The following NUP153 variants were observed in gnomAD, a reference collection of about 807,000 sequenced individuals.
NUP153 encodes nucleoporin 153, also known as nuclear pore complex protein Nup153.
A neutral mutation model predicts 134.6 loss-of-function variants in NUP153; 27 were observed. That is an observed-to-expected ratio of 0.20 (90% CI 0.15 to 0.28). NUP153 has a LOEUF of 0.28. Among genes scored for constraint, NUP153 ranks in the 10% least tolerant of loss-of-function variants. The pLI is 1.00. For missense variants in NUP153, 1,821 were observed against 1,731.3 expected, an observed-to-expected ratio of 1.05 and a Z score of -0.92; for synonymous variants, 640 against 623.5, an observed-to-expected ratio of 1.03 and a Z score of -0.40.
chr6:17,662,442 C>T (rs1179369420), intron 9 of NUP153, among the ~76,000 whole-genome samples: 3 of 152,200 alleles, frequency 2.0e-5, no homozygotes, highest in Admixed American at 6.5e-5. Flanking sequence ...ATTAATACTT[C>T]CACTGAAAGG....
At chr6:17,644,921 T>C (rs1465627345) in intron 14 of NUP153, among the ~76,000 whole-genome samples, 1 of 152,002 alleles carries the variant, frequency 6.6e-6, no homozygotes, top group African/African-American at 2.4e-5. Context: ...CTGTCTCTAT[T>C]AAAAATACAA....
intron 11 of NUP153, among the ~76,000 whole-genome samples, chr6:17,649,680 C>T (rs1415874160): frequency 1.3e-5 from 2 of 152,110 alleles, no homozygotes; most frequent in African/African-American, 4.8e-5. Flanking sequence ...ATATTATATA[C>T]AATAAGATAT....
At chr6:17,642,638 A>G (rs1279908736) in intron 14 of NUP153, among the ~76,000 whole-genome samples, 1 of 152,234 alleles carries the variant, frequency 6.6e-6, no homozygotes, top group Non-Finnish European at 1.5e-5. Flanking sequence ...GATTCTTCAA[A>G]AAGTTTAATA....
At chr6:17,690,833 T>A (rs747959017) in intron 1 of NUP153, among the ~76,000 whole-genome samples, 1 of 152,174 alleles carries the variant, frequency 6.6e-6, no homozygotes, top group African/African-American at 2.4e-5. Flanking sequence ...ACTTGAATAG[T>A]AATTTCCTTA....
intron 2 of NUP153, among the ~76,000 whole-genome samples, chr6:17,678,947 T>A (rs1241539415): frequency 1.4e-5 from 2 of 142,594 alleles, no homozygotes; most frequent in East Asian, 2.1e-4. Flanking sequence ...CTATCTCATT[T>A]AAAAAAAAAA....
At chr6:17,653,623 C>A (rs1766633187) in intron 11 of NUP153, among the ~76,000 whole-genome samples, 3 of 152,128 alleles carry the variant, frequency 2.0e-5, no homozygotes, top group Non-Finnish European at 4.4e-5. Flanking sequence ...GCTTTACTCA[C>A]AATAGCCAGG....
chr6:17,640,045 CA>C lies in NUP153; in HGVS notation c.1739del (p.Val580GlyfsTer24). 1 of 1,599,298 alleles carries C rather than the reference CA, an allele frequency of 6.3e-7. No individual in the cohort carries two copies. Among genetic ancestry groups the C allele is most frequent in the Admixed American group, 1.8e-5 (1 of 57,120 alleles). On this transcript the variant is annotated frameshift_variant, in exon 15 of 22. Coordinates refer to ENST00000262077, the MANE Select transcript of NUP153 (RefSeq NM_005124.4). LOFTEE classifies it high-confidence loss of function. ...GTGTCTTCTTACAATTTGTACTGTT[CA>C]CTGTAGTGACATGATGAGCTGTAAT... ...ISSSAHHVTTVNSTNCKKTPP... is the reference protein window; with the variant it reads ...ISSSAHHVTTXNSTNCKKTPP...
At chr6:17,640,300 A>G (rs1197089370) in intron 14 of NUP153, among the ~76,000 whole-genome samples, 1 of 152,232 alleles carries the variant, frequency 6.6e-6, no homozygotes, top group Admixed American at 6.5e-5. Context: ...AAAAAAATAT[A>G]AACTATAATT....
intron 17 of NUP153, 81 bp downstream of exon 17, chr6:17,632,569 T>C: frequency 1.0e-6 from 1 of 972,554 alleles, no homozygotes; most frequent in Non-Finnish European, 1.5e-6. Flanking sequence ...ACACTGAAGC[T>C]GTTCTCAAAT....
chr6:17,624,786 G>C lies in NUP153; in HGVS notation c.3949C>G (p.Pro1317Ala), dbSNP rs906254777. 3 of 1,614,018 alleles carry C rather than the reference G, an allele frequency of 1.9e-6. No homozygotes were observed. Among genetic ancestry groups the C allele is most frequent in the African/African-American group, 2.7e-5 (2 of 75,036 alleles). Reference protein sequence around the residue: ...GTGPSAPSASPAFGANQTPTF... With the variant: ...GTGPSAPSASAAFGANQTPTF... ...GGGGTCTGGTTAGCACCAAATGCTGGACTGGCAGATGGTGCTGAGGGTCCA... is the reference window on the plus strand; with the variant it reads ...GGGGTCTGGTTAGCACCAAATGCTGCACTGGCAGATGGTGCTGAGGGTCCA... Residue 1317 changes from proline (P) to alanine (A), a missense_variant, in exon 20 of 22, where the codon CCA becomes GCA. Physicochemically the swap from Pro to Ala is conservative, Grantham distance 27. Coordinates refer to ENST00000262077, the MANE Select transcript of NUP153 (RefSeq NM_005124.4).
chr6:17,640,260 C>T (rs1765766900), intron 14 of NUP153, among the ~76,000 whole-genome samples, 196 bp from the exon 15 acceptor site: 1 of 152,130 alleles, frequency 6.6e-6, no homozygotes, highest in Middle Eastern at 3.2e-3. Context: ...TATTCCCATA[C>T]TATATAACTT....
chr6:17,699,223 G>A (rs1360409289), intron 1 of NUP153, among the ~76,000 whole-genome samples: 2 of 151,228 alleles, frequency 1.3e-5, no homozygotes, highest in East Asian at 1.9e-4. Flanking sequence ...CTAGCTGGGC[G>A]TGGTGGCTCA....
At chr6:17,661,872 C>A in intron 10 of NUP153, 93 bp from the exon 11 acceptor site, 1 of 1,291,148 alleles carries the variant, frequency 7.7e-7, no homozygotes, top group Non-Finnish European at 1.1e-6. Flanking sequence ...AAAAAATATA[C>A]AGCTGAACGT....
chr6:17,626,977 A>G (rs1764981553), intron 18 of NUP153, among the ~76,000 whole-genome samples: 2 of 152,236 alleles, frequency 1.3e-5, no homozygotes, highest in Non-Finnish European at 2.9e-5. Flanking sequence ...GTTAGGAAAA[A>G]CAAATGAGAC....
intron 14 of NUP153, among the ~76,000 whole-genome samples, chr6:17,645,634 T>C (rs547729551): frequency 6.6e-6 from 1 of 152,198 alleles, no homozygotes; most frequent in African/African-American, 2.4e-5. Flanking sequence ...GGTTCAGAAA[T>C]TATGTATCAC....
At chr6:17,653,973 A>C (rs867109520) in intron 11 of NUP153, among the ~76,000 whole-genome samples, 18 of 152,222 alleles carry the variant, frequency 1.2e-4, no homozygotes, top group African/African-American at 3.9e-4. Context: ...AAGTGTACTA[A>C]TGTCTTCAAC....
intron 11 of NUP153, among the ~76,000 whole-genome samples, chr6:17,650,261 G>C (rs1324079517): frequency 6.6e-6 from 1 of 152,204 alleles, no homozygotes; most frequent in Non-Finnish European, 1.5e-5. Context: ...TTCTCTTCAT[G>C]AGTTGCTGCC....
intron 9 of NUP153, among the ~76,000 whole-genome samples, chr6:17,664,248 T>C (rs1379446605): frequency 6.6e-6 from 1 of 152,172 alleles, no homozygotes; most frequent in Non-Finnish European, 1.5e-5. Context: ...GTAATACAAA[T>C]GTTCTAAAAT....
chr6:17,676,004 G>A (rs192742004), intron 2 of NUP153, among the ~76,000 whole-genome samples: 5 of 152,086 alleles, frequency 3.3e-5, no homozygotes, highest in Admixed American at 1.3e-4. Context: ...GATGTGATAC[G>A]ATACAACAGT....
Sources: gnomAD v4.1 joint callset for allele counts (sites outside exome capture counted in the v4.1 genomes callset) on GRCh38, gnomAD v4.1.1 for gene constraint, MANE v1.5 for transcripts, NCBI Gene and HGNC (gene_info 2026-07-23, HGNC 2026-07-21) for gene names.